The following DPY19L2 variants were observed in gnomAD, a reference collection of about 807,000 sequenced individuals.
The protein encoded by DPY19L2 is dpy-19 like 2, also known as probable C-mannosyltransferase DPY19L2.
In DPY19L2, 34 loss-of-function variants were observed where a neutral mutation model predicts 97.9. The ratio of observed to expected loss-of-function variants is 0.35; its 90% CI spans 0.26 to 0.46. The LOEUF is 0.46. DPY19L2 is among the 20% of genes least tolerant of loss of function. DPY19L2 has a pLI of 1.00. For missense variants in DPY19L2, 623 were observed against 911.4 expected, an observed-to-expected ratio of 0.68 and a Z score of 4.07; for synonymous variants, 230 against 307.9, an observed-to-expected ratio of 0.75 and a Z score of 2.65.
intron 11 of DPY19L2, among the ~76,000 whole-genome samples, 170 bp downstream of exon 11, chr12:63,617,134 T>C (rs1428559336): frequency 6.6e-6 from 1 of 152,120 alleles, no homozygotes; most frequent in Non-Finnish European, 1.5e-5. Context: ...AACTTCCTAC[T>C]ATAGTATTTT....
rs998378457 is a variant in DPY19L2, at chr12:63,617,991, A to C, written c.1131+160T>G. 3.3e-5 allele frequency among the ~76,000 whole-genome samples: 5 copies of C among 152,130 alleles called. 1 individual carries two copies. Among genetic ancestry groups the C allele is most frequent in the Non-Finnish European group, 5.9e-5 (4 of 67,978 alleles). On this transcript the variant is annotated intron_variant, in intron 10 of 21. Transcript: ENST00000324472. ...AAAGTATAATCTGTTATAATATGTC[A>C]TCTATAATATACATTTCCAGTTTTC...
chr12:63,628,520 G>C (rs1043334951), intron 6 of DPY19L2, among the ~76,000 whole-genome samples: 14 of 152,216 alleles, frequency 9.2e-5, no homozygotes, highest in African/African-American at 3.1e-4. Flanking sequence ...GGATGGGGGA[G>C]GGGCACCCAC....
intron 11 of DPY19L2, among the ~76,000 whole-genome samples, chr12:63,613,056 G>GT (rs1462177274): frequency 6.6e-6 from 1 of 151,974 alleles, no homozygotes; most frequent in African/African-American, 2.4e-5. Context: ...TGGTTTCACT[G>GT]GTAAATTCTA....
chr12:63,600,787 G>GTT (rs71086688), intron 12 of DPY19L2, among the ~76,000 whole-genome samples: 11 of 133,064 alleles, frequency 8.3e-5, no homozygotes, highest in Admixed American at 1.5e-4. Flanking sequence ...TCTAAAGGAA[G>GTT]TTTTTTTTTT....
intron 16 of DPY19L2, among the ~76,000 whole-genome samples, chr12:63,592,920 A>G (rs1475089209): frequency 1.3e-5 from 2 of 151,590 alleles, no homozygotes; most frequent in African/African-American, 4.8e-5. Flanking sequence ...CAGAATCTAC[A>G]ATGAACTCAA....
At chr12:63,583,684 A>G (rs867694389) in intron 17 of DPY19L2, 128 bp downstream of exon 17, 2 of 781,300 alleles carry the variant, frequency 2.6e-6, no homozygotes, top group Middle Eastern at 4.8e-4. Context: ...GGATCAGCAG[A>G]AATTTATCAC....
intron 6 of DPY19L2, 27 bp downstream of exon 6, chr12:63,644,376 G>A: frequency 2.5e-6 from 4 of 1,588,446 alleles, no homozygotes; most frequent in Non-Finnish European, 3.4e-6. Flanking sequence ...CCCACTGAAA[G>A]GTCTCTTAAT....
chr12:63,622,795 G>A (rs1334957808), intron 8 of DPY19L2, among the ~76,000 whole-genome samples: 11 of 151,984 alleles, frequency 7.2e-5, no homozygotes, highest in African/African-American at 1.2e-4. Flanking sequence ...GGATGGTGGC[G>A]TGCACCTGTA....
At chr12:63,594,464 A>AGTGTGTGT (rs539673870) in intron 15 of DPY19L2, among the ~76,000 whole-genome samples, 2,161 of 124,982 alleles carry the variant, frequency 0.017, 42 homozygotes, top group Non-Finnish European at 0.022. Context: ...AGAGAGAGAT[A>AGTGTGTGT]GTGTGTGTGT....
At chr12:63,627,271 T>A (rs1264839732) in intron 6 of DPY19L2, among the ~76,000 whole-genome samples, 1 of 152,122 alleles carries the variant, frequency 6.6e-6, no homozygotes, top group Non-Finnish European at 1.5e-5. Flanking sequence ...TTTACTTGAG[T>A]CCCAGAGAAG....
intron 21 of DPY19L2, among the ~76,000 whole-genome samples, chr12:63,563,939 T>C (rs914561593): frequency 6.6e-6 from 1 of 152,144 alleles, no homozygotes; most frequent in Non-Finnish European, 1.5e-5. Context: ...AATAAGGTAA[T>C]AGATATAAGA....
intron 16 of DPY19L2, among the ~76,000 whole-genome samples, chr12:63,588,915 A>G (rs570379097): frequency 5.9e-5 from 9 of 151,884 alleles, no homozygotes; most frequent in Middle Eastern, 6.8e-3. Flanking sequence ...CACGATGCCC[A>G]GCTAATTTTT....
chr12:63,594,581 A>ATGTG (rs146124553), intron 15 of DPY19L2, among the ~76,000 whole-genome samples: 14,949 of 143,196 alleles, frequency 0.1, 859 homozygotes, highest in African/African-American at 0.16. Context: ...GGATGTTTGT[A>ATGTG]TGTGTGTGTG....
chr12:63,628,243 G>A (rs545876985), intron 6 of DPY19L2, among the ~76,000 whole-genome samples: 6 of 152,286 alleles, frequency 3.9e-5, no homozygotes, highest in African/African-American at 7.2e-5. Flanking sequence ...GCAGCGCACC[G>A]AGCATGAGCC....
chr12:63,664,315 C>T (rs542201872), intron 2 of DPY19L2, among the ~76,000 whole-genome samples: 24 of 151,628 alleles, frequency 1.6e-4, no homozygotes, highest in African/African-American at 5.6e-4. Flanking sequence ...CCAGCCTGGG[C>T]GACAGAGTGA....
At chr12:63,621,407 T>C (rs1888669399) in intron 8 of DPY19L2, 70 bp from the exon 9 acceptor site, 2 of 742,114 alleles carry the variant, frequency 2.7e-6, no homozygotes, top group South Asian at 1.6e-5. Context: ...GAAAGACTAA[T>C]TGCAAAATGA....
chr12:63,632,768 G>C (rs1462395103), intron 6 of DPY19L2, among the ~76,000 whole-genome samples: 3 of 152,076 alleles, frequency 2.0e-5, no homozygotes, highest in Non-Finnish European at 4.4e-5. Flanking sequence ...ACAATCCTAA[G>C]CAAAAAGAAC....
At chr12:63,591,187 G>T (rs757361243) in intron 16 of DPY19L2, 162 of 442,452 alleles carry the variant, frequency 3.7e-4, no homozygotes, top group Non-Finnish European at 6.6e-4. Flanking sequence ...TTCAACAGAT[G>T]CACCTAAGAG....
At chr12:63,627,685 G>C (rs1889805475) in intron 6 of DPY19L2, among the ~76,000 whole-genome samples, 1 of 152,146 alleles carries the variant, frequency 6.6e-6, no homozygotes, top group African/African-American at 2.4e-5. Context: ...TTGTGATCAT[G>C]TCTGTGTATG....
Sources: allele counts gnomAD v4.1 joint callset (sites outside exome capture counted in the v4.1 genomes callset), GRCh38; gene constraint gnomAD v4.1.1; transcripts MANE v1.5; gene names NCBI Gene and HGNC (gene_info 2026-07-23, HGNC 2026-07-21).